Variants in CDKL3 observed in about 807,000 individuals in gnomAD.
CDKL3 encodes the protein cyclin-dependent kinase-like 3.
Under a neutral mutation model 69.3 loss-of-function variants are expected in CDKL3, and 65 were observed. That is an observed-to-expected ratio of 0.94 (90% confidence interval 0.77 to 1.15). The LOEUF is 1.15. CDKL3 is among the 50% of genes most tolerant of loss of function. The pLI, the probability that CDKL3 is intolerant of heterozygous loss-of-function variation, is 0.00. For missense variants in CDKL3, 652 were observed against 689.2 expected (o/e 0.95, Z 0.61); for synonymous variants, 202 against 221.6 (o/e 0.91, Z 0.79).
At chr5:134,340,044 C>G (rs1219098366) in intron 4 of CDKL3, among the ~76,000 whole-genome samples, 1 of 152,030 alleles carries the variant, frequency 6.6e-6, no homozygotes, top group Non-Finnish European at 1.5e-5. Flanking sequence ...GTCTCAGCTA[C>G]TCGGGAGGCT....
intron 9 of CDKL3, 72 bp from the exon 10 acceptor site, chr5:134,306,774 T>TTG (rs1767988582): frequency 1.2e-6 from 1 of 814,834 alleles, no homozygotes; most frequent in Non-Finnish European, 1.8e-6. Context: ...TTTTTTTTTT[T>TTG]GGCAGATTCT....
chr5:134,342,578 C>T (rs1281419571), intron 4 of CDKL3, among the ~76,000 whole-genome samples: 7 of 147,160 alleles, frequency 4.8e-5, no homozygotes, highest in Non-Finnish European at 3.0e-5. Context: ...CCAGCCTGGG[C>T]GACAGAGCAA....
intron 7 of CDKL3, among the ~76,000 whole-genome samples, chr5:134,309,144 G>A (rs1768703992): frequency 6.6e-6 from 1 of 151,936 alleles, no homozygotes; most frequent in Admixed American, 6.6e-5. Flanking sequence ...TGAGTGCAAT[G>A]GCACAATCTC....
At chr5:134,319,610 T>G in intron 5 of CDKL3, 113 bp from the exon 6 acceptor site, 2 of 914,058 alleles carry the variant, frequency 2.2e-6, no homozygotes, top group Non-Finnish European at 3.1e-6. Flanking sequence ...CAAGGAAGAA[T>G]GTGAATTATG....
intron 3 of CDKL3, among the ~76,000 whole-genome samples, chr5:134,356,595 C>G (rs1464419089): frequency 6.6e-6 from 1 of 152,076 alleles, no homozygotes; most frequent in Non-Finnish European, 1.5e-5. Context: ...GTCAGCCTGG[C>G]TAACGTGGTG....
chr5:134,325,529 A>G (rs541380483), intron 4 of CDKL3, among the ~76,000 whole-genome samples: 13 of 152,232 alleles, frequency 8.5e-5, no homozygotes, highest in Admixed American at 7.8e-4. Context: ...TTGTTATTTA[A>G]TAACAGTTTT....
At chr5:134,304,659 G>T in intron 10 of CDKL3, 92 bp from the exon 11 acceptor site, 2 of 893,862 alleles carry the variant, frequency 2.2e-6, no homozygotes, top group Non-Finnish European at 3.2e-6. Flanking sequence ...GATGGTATAA[G>T]ATAGACATAA....
chr5:134,302,306 T>A, intron 12 of CDKL3: 1 of 460,576 alleles, frequency 2.2e-6, no homozygotes, highest in Non-Finnish European at 4.2e-6. Flanking sequence ...TCATTTTCAC[T>A]AGTCTGACTT....
intron 2 of CDKL3, among the ~76,000 whole-genome samples, chr5:134,365,131 C>T (rs1757100188): frequency 6.6e-6 from 1 of 151,962 alleles, no homozygotes; most frequent in South Asian, 2.1e-4. Context: ...CACAAGCACC[C>T]GCCACCTCGC....
intron 7 of CDKL3, among the ~76,000 whole-genome samples, chr5:134,309,861 T>A (rs1475657336): frequency 2.0e-5 from 3 of 152,208 alleles, no homozygotes; most frequent in Non-Finnish European, 4.4e-5. Flanking sequence ...AGACACGGTC[T>A]CTCTCTGTTG....
At chr5:134,283,409 G>A (rs1261510945), downstream of CDKL3, among the ~76,000 whole-genome samples, 2 of 152,140 alleles carry the variant, frequency 1.3e-5, no homozygotes, top group African/African-American at 4.8e-5. Flanking sequence ...TCACAATCAT[G>A]GTGGAAGGCA....
rs1166376949 is a variant in CDKL3, at chr5:134,308,127, T to G, written c.1364+11A>C. The G allele has an allele frequency of 6.2e-7, 1 of 1,603,808 alleles. No individual in the cohort carries two copies. Among genetic ancestry groups the G allele is most frequent in the East Asian group, 2.2e-5 (1 of 44,692 alleles). On this transcript the variant is annotated intron_variant, in intron 9 of 12. Transcript: ENST00000265334. ...TTGTATTATTTAGGTTTCTTCTCTGTTACAGCTCACCTCACACTGGGGTGA... is the reference window on the plus strand; with the variant it reads ...TTGTATTATTTAGGTTTCTTCTCTGGTACAGCTCACCTCACACTGGGGTGA...
At chr5:134,290,654 G>T (rs1365544646) in intron 8 of CDKL3, among the ~76,000 whole-genome samples, 1 of 152,046 alleles carries the variant, frequency 6.6e-6, no homozygotes. Context: ...GAAGTGGGAA[G>T]CCATGAGGGT....
chr5:134,313,422 C>A (rs192579361), intron 6 of CDKL3, among the ~76,000 whole-genome samples: 1 of 152,174 alleles, frequency 6.6e-6, no homozygotes, highest in Non-Finnish European at 1.5e-5. Flanking sequence ...AGACAACGCT[C>A]CAGCTTTTTC....
intron 4 of CDKL3, among the ~76,000 whole-genome samples, chr5:134,333,092 G>A (rs530354860): frequency 1.2e-4 from 18 of 152,232 alleles, no homozygotes; most frequent in African/African-American, 2.9e-4. Context: ...TTGGCTCTCC[G>A]TTTGTCTGTT....
At chr5:134,302,247 CAA>C (rs1026496641) in intron 12 of CDKL3, 1 of 459,084 alleles carries the variant, frequency 2.2e-6, no homozygotes, top group African/African-American at 2.0e-5. Context: ...GGCTTAAAGG[CAA>C]AGACACACAT....
At chr5:134,309,225 G>A (rs1768724115) in intron 7 of CDKL3, among the ~76,000 whole-genome samples, 1 of 152,082 alleles carries the variant, frequency 6.6e-6, no homozygotes, top group Non-Finnish European at 1.5e-5. Context: ...TGGGATTACA[G>A]GCATGTGCCA....
intron 12 of CDKL3, among the ~76,000 whole-genome samples, chr5:134,298,982 T>C (rs1482244966): frequency 6.6e-6 from 1 of 152,066 alleles, no homozygotes; most frequent in Non-Finnish European, 1.5e-5. Flanking sequence ...CAAGCAATTC[T>C]CCTGCCTCCA....
At chr5:134,370,659 G>C (rs1459466411), upstream of CDKL3, among the ~76,000 whole-genome samples, 1 of 152,110 alleles carries the variant, frequency 6.6e-6, no homozygotes, top group Non-Finnish European at 1.5e-5. Context: ...TTTAATATTT[G>C]CCCAGAATTT....
Sources: allele counts gnomAD v4.1 joint callset (sites outside exome capture counted in the v4.1 genomes callset), GRCh38; gene constraint gnomAD v4.1.1; transcripts MANE v1.5; gene names NCBI Gene and HGNC (gene_info 2026-07-23, HGNC 2026-07-21).